BUB1B: variants seen among roughly 807,000 people sequenced by gnomAD.
BUB1B encodes mitotic checkpoint serine/threonine-protein kinase BUB1 beta.
BUB1B carries 86 observed loss-of-function variants against 137.7 expected under a neutral mutation model. That is an observed-to-expected ratio of 0.62 (90% CI 0.52 to 0.75). The LOEUF is 0.75. Ranked by LOEUF, BUB1B falls within the 30% of genes least tolerant of loss-of-function variation. BUB1B has a pLI of 0.00. For missense variants in BUB1B, 1,130 were observed against 1,236.9 expected (o/e 0.91, Z 1.30); for synonymous variants, 420 against 417.9 (o/e 1.00, Z -0.06).
chr15:40,210,220 ATTCT>A lies in BUB1B; in HGVS notation c.2385+13_2385+16del, dbSNP rs1346944584. The A allele has an allele frequency of 6.4e-7, 1 of 1,554,132 alleles. No individual in the cohort carries two copies. Among genetic ancestry groups the A allele is most frequent in the South Asian group, 1.1e-5 (1 of 89,852 alleles). On this transcript the variant is annotated intron_variant, in intron 18 of 22. Coordinates refer to ENST00000287598, the MANE Select transcript of BUB1B (RefSeq NM_001211.6). ...ATTAACAGTAATAAAGGTGGGACTG[ATTCT>A]TTATAATTTCAGTTACTTTGTAAAT...
intron 8 of BUB1B, among the ~76,000 whole-genome samples, chr15:40,188,472 A>G (rs2037395817): frequency 6.6e-6 from 1 of 152,058 alleles, no homozygotes; most frequent in African/African-American, 2.4e-5. Context: ...TCAGCTAAAA[A>G]TCTATAATAC....
intron 1 of BUB1B, among the ~76,000 whole-genome samples, chr15:40,164,662 C>CTTT (rs1174963610): frequency 6.3e-5 from 8 of 127,600 alleles, no homozygotes; most frequent in African/African-American, 2.3e-4. Flanking sequence ...ATTCATTTTT[C>CTTT]TTTTTTTTTT....
intron 17 of BUB1B, 129 bp downstream of exon 17, chr15:40,209,904 G>A (rs1394620011): frequency 8.4e-7 from 1 of 1,187,348 alleles, no homozygotes; most frequent in African/African-American, 1.5e-5. Context: ...GCAATATAGA[G>A]GATGACACAT....
At chr15:40,199,359 G>A (rs939712109) in intron 9 of BUB1B, among the ~76,000 whole-genome samples, 20 of 152,218 alleles carry the variant, frequency 1.3e-4, no homozygotes, top group African/African-American at 4.8e-4. Context: ...AGTACTCAGA[G>A]CTGTGCTTGG....
chr15:40,187,232 T>C (rs563487084), intron 8 of BUB1B, among the ~76,000 whole-genome samples: 139 of 152,090 alleles, frequency 9.1e-4, no homozygotes, highest in African/African-American at 3.3e-3. Flanking sequence ...TTCACGCCAT[T>C]CTCCTGCCTC....
rs1431396417 is a variant in BUB1B, at chr15:40,206,322, A to G, written c.1873A>G (p.Ile625Val). 12 of 1,614,164 alleles carry G rather than the reference A, an allele frequency of 7.4e-6. No individual in the cohort carries two copies. Among genetic ancestry groups the G allele is most frequent in the Non-Finnish European group, 9.3e-6 (11 of 1,180,034 alleles). Reference sequence around the variant, plus strand: ...TTTTGTATCCACTCCTTTTCATGAGATAATGTCCTTGAAGGATCTCCCTTC... The same window carrying G: ...TTTTGTATCCACTCCTTTTCATGAGGTAATGTCCTTGAAGGATCTCCCTTC... ...ARFVSTPFHE[I>V]MSLKDLPSDP... is the part of the protein sequence containing the mutation. The change falls in exon 15 of 23, where the codon ATA (isoleucine) becomes GTA (valine). Residue 625 changes from isoleucine to valine, a missense_variant. Physicochemically the swap from Ile to Val is conservative, Grantham distance 29. Coordinates refer to ENST00000287598, the MANE Select transcript of BUB1B (RefSeq NM_001211.6).
chr15:40,202,539 G>A, intron 13 of BUB1B, 50 bp from the exon 14 acceptor site: 1 of 1,595,102 alleles, frequency 6.3e-7, no homozygotes, highest in African/African-American at 1.3e-5. Context: ...GGATAAATTA[G>A]GGGTTACTGT....
chr15:40,171,703 C>T (rs896631594), intron 4 of BUB1B, among the ~76,000 whole-genome samples: 1 of 152,152 alleles, frequency 6.6e-6, no homozygotes, highest in Admixed American at 6.5e-5. Context: ...AAGTCATCAA[C>T]ACAAAGAAGT....
At chr15:40,186,733 C>T (rs1019226603) in intron 8 of BUB1B, among the ~76,000 whole-genome samples, 28 of 151,686 alleles carry the variant, frequency 1.8e-4, no homozygotes, top group South Asian at 6.3e-4. Flanking sequence ...GCGTGAGCCA[C>T]TGCGCCCAGC....
In BUB1B at chr15:40,199,607, G is replaced by A. The variant is rs375564551; in HGVS notation, c.1289-8G>A. ...GAATAATACCTCAAGCAACTTTACT[G>A]TTTCTAGCCGAGCTATTGACCAGTG... is the stretch of plus-strand genomic sequence containing the variant. On this transcript the variant is annotated splice_region_variant and splice_polypyrimidine_tract_variant and intron_variant, in intron 9 of 22. Coordinates refer to ENST00000287598, the MANE Select transcript of BUB1B (RefSeq NM_001211.6). 86 of 1,612,086 alleles carry A rather than the reference G, an allele frequency of 5.3e-5. No homozygotes were observed. The highest frequency in any genetic ancestry group is 7.2e-5 in the Non-Finnish European group (85 of 1,178,424).
intron 6 of BUB1B, among the ~76,000 whole-genome samples, chr15:40,184,404 A>G (rs185834921): frequency 6.6e-6 from 1 of 152,152 alleles, no homozygotes; most frequent in African/African-American, 2.4e-5. Flanking sequence ...TCCTAGGCTC[A>G]AGCAGTTCTT....
At position 40,200,350 on chromosome 15, in the gene BUB1B, G is replaced by T. The variant is rs765632100; in HGVS notation, c.1508G>T (p.Cys503Phe). The change falls in exon 11 of 23, where the codon TGT becomes TTT. Residue 503 changes from cysteine to phenylalanine, a missense_variant. Physicochemically the swap from Cys to Phe is radical, Grantham distance 205. Coordinates refer to ENST00000287598, the MANE Select transcript of BUB1B (RefSeq NM_001211.6). Reference protein sequence around the residue: ...TLSSSVCQVNCCARETSLAEN... With the variant: ...TLSSSVCQVNFCARETSLAEN... ...TCCAGTTCTGTTTGTCAAGTAAACT[G>T]TTGTGCCAGGTAAGACTACATAGGT... 4 of 1,612,986 alleles carry T rather than the reference G, an allele frequency of 2.5e-6. No homozygotes were observed. Among genetic ancestry groups the T allele is most frequent in the Non-Finnish European group, 3.4e-6 (4 of 1,179,048 alleles).
At chr15:40,212,316 T>G (rs2037723864) in intron 18 of BUB1B, among the ~76,000 whole-genome samples, 183 bp from the exon 19 acceptor site, 1 of 152,242 alleles carries the variant, frequency 6.6e-6, no homozygotes. Flanking sequence ...TACCTCCTGT[T>G]CTCTTTCCAG....
intron 7 of BUB1B, 69 bp from the exon 8 acceptor site, chr15:40,185,482 G>A: frequency 6.3e-7 from 1 of 1,590,544 alleles, no homozygotes; most frequent in Non-Finnish European, 8.6e-7. Context: ...TGAATATTTA[G>A]CCATGGTCTA....
intron 4 of BUB1B, 39 bp downstream of exon 4, chr15:40,170,720 A>C (rs753833969): frequency 1.9e-6 from 3 of 1,600,006 alleles, no homozygotes; most frequent in African/African-American, 2.7e-5. Context: ...TTTAAATATT[A>C]AACTAAGAGA....
intron 15 of BUB1B, among the ~76,000 whole-genome samples, chr15:40,206,993 A>G (rs1013870599): frequency 6.6e-6 from 1 of 152,106 alleles, no homozygotes; most frequent in Middle Eastern, 3.2e-3. Flanking sequence ...TATTTTTAGT[A>G]GAGACGGGGT....
At chr15:40,201,215 A>G (rs962262511) in intron 12 of BUB1B, among the ~76,000 whole-genome samples, 35 of 152,260 alleles carry the variant, frequency 2.3e-4, no homozygotes, top group African/African-American at 7.9e-4. Context: ...ATTTACACTA[A>G]CCACCAAATC....
chr15:40,203,543 T>G (rs929913194), intron 14 of BUB1B, among the ~76,000 whole-genome samples: 2 of 152,224 alleles, frequency 1.3e-5, no homozygotes, highest in African/African-American at 4.8e-5. Flanking sequence ...GGTATATGAA[T>G]TATATCTCAA....
At chr15:40,176,737 C>T in intron 5 of BUB1B, 64 bp downstream of exon 5, 2 of 1,540,690 alleles carry the variant, frequency 1.3e-6, no homozygotes, top group African/African-American at 1.4e-5. Context: ...CTCTTTTTTG[C>T]ATCTGAATAA....
Sources: gnomAD v4.1 joint callset for allele counts (sites outside exome capture counted in the v4.1 genomes callset) on GRCh38, gnomAD v4.1.1 for gene constraint, MANE v1.5 for transcripts, NCBI Gene and HGNC (gene_info 2026-07-23, HGNC 2026-07-21) for gene names.